RBFOX3: variants seen among roughly 807,000 people sequenced by gnomAD.
RBFOX3 encodes RNA binding fox-1 homolog 3, also known as RNA binding protein fox-1 homolog 3.
RBFOX3 carries 17 observed loss-of-function variants against 48.7 expected under a neutral mutation model. That is an observed-to-expected ratio of 0.35 (90% CI 0.24 to 0.52). The LOEUF (loss-of-function observed/expected upper bound fraction) is 0.52, where lower values mean the gene tolerates loss of function less well. Ranked by LOEUF, RBFOX3 falls within the 20% of genes least tolerant of loss-of-function variation. The pLI, the probability that RBFOX3 is intolerant of heterozygous loss-of-function variation, is 0.94. For synonymous variants in RBFOX3, 212 were observed against 209.5 expected (o/e 1.01, Z -0.10); for missense variants, 382 against 497.5 (o/e 0.77, Z 2.21).
the RBFOX3 span, among the ~76,000 whole-genome samples, chr17:79,633,593 C>T: frequency 7.9e-5 from 12 of 151,188 alleles, no homozygotes; most frequent in African/African-American, 3.0e-4. Context: ...CAGACTCCAG[C>T]GGCTGTTTTT....
the RBFOX3 span, among the ~76,000 whole-genome samples, chr17:79,656,806 GAAAAGAAAGAGAA>G: frequency 6.7e-4 from 66 of 98,044 alleles, 1 homozygote; most frequent in African/African-American, 3.1e-3. Context: ...AAGAAAGAAA[GAAAAGAAAGAGAA>G]AGAAAGAAAG....
chr17:79,608,975 C>A (rs1249143677), intron 1 of RBFOX3, among the ~76,000 whole-genome samples: 2 of 151,758 alleles, frequency 1.3e-5, no homozygotes, highest in Non-Finnish European at 2.9e-5. Flanking sequence ...GCTCAGTGAC[C>A]TGGGGCGCCC....
At chr17:79,305,303 C>G (rs12947021) in intron 3 of RBFOX3, among the ~76,000 whole-genome samples, 3,697 of 152,246 alleles carry the variant, frequency 0.024, 110 homozygotes, top group South Asian at 0.15. Context: ...TTACTGGGAT[C>G]AGTTTCATCC....
At chr17:79,172,173 CAAAAAAAAAA>C (rs977301314) in intron 4 of RBFOX3, among the ~76,000 whole-genome samples, 2 of 52,486 alleles carry the variant, frequency 3.8e-5, no homozygotes, top group Non-Finnish European at 7.2e-5. Context: ...GAGTCCGTCT[CAAAAAAAAAA>C]AAAAAAAAAA....
At chr17:79,525,117 C>T (rs972889895) in intron 1 of RBFOX3, among the ~76,000 whole-genome samples, 10 of 152,308 alleles carry the variant, frequency 6.6e-5, no homozygotes, top group East Asian at 1.9e-4. Context: ...AACCAGAGTT[C>T]GGCACTGTTG....
chr17:79,502,645 T>C (rs2082535245), intron 1 of RBFOX3, among the ~76,000 whole-genome samples: 1 of 152,252 alleles, frequency 6.6e-6, no homozygotes, highest in Non-Finnish European at 1.5e-5. Flanking sequence ...GGAACCCTGC[T>C]TGGGCAGAGG....
In RBFOX3 at chr17:79,174,811, G is replaced by A. The variant is rs545403608; in HGVS notation, c.-33-59063C>T. ...CCCGGCACAGTGAGGAGCAGGTGACGTTTGTCTAAGTGAGACTGAGGCCTA... is the reference window on the plus strand; with the variant it reads ...CCCGGCACAGTGAGGAGCAGGTGACATTTGTCTAAGTGAGACTGAGGCCTA... On this transcript the variant is annotated intron_variant, in intron 4 of 14. Coordinates refer to ENST00000693108, the MANE Select transcript of RBFOX3 (RefSeq NM_001350451.2). Among the ~76,000 whole-genome samples the A allele has an allele frequency of 1.1e-4, 17 of 152,372 alleles. No homozygotes were observed. In the South Asian group the frequency reaches 1.9e-3, roughly 17 times the overall value.
the RBFOX3 span, among the ~76,000 whole-genome samples, chr17:79,656,654 A>AGAAGGAAGGAGGGAG: frequency 7.6e-6 from 1 of 132,394 alleles, no homozygotes; most frequent in East Asian, 2.3e-4. Flanking sequence ...GAAGAAAGAA[A>AGAAGGAAGGAGGGAG]GGAAGAGAAG....
At chr17:79,586,785 G>A (rs1436891174) in intron 1 of RBFOX3, among the ~76,000 whole-genome samples, 1 of 152,204 alleles carries the variant, frequency 6.6e-6, no homozygotes, top group African/African-American at 2.4e-5. Flanking sequence ...GTTGGAGAGT[G>A]TATTCTCCTG....
intron 14 of RBFOX3, among the ~76,000 whole-genome samples, chr17:79,091,760 A>G (rs1430270357): frequency 6.6e-6 from 1 of 152,164 alleles, no homozygotes; most frequent in Non-Finnish European, 1.5e-5. Flanking sequence ...TGCCTCCAGG[A>G]CAACCCCCTT....
chr17:79,611,169 T>TCTCTCGCTCTCGCTCTCG, upstream of RBFOX3, among the ~76,000 whole-genome samples: 44 of 25,924 alleles, frequency 1.7e-3, 7 homozygotes, highest in Non-Finnish European at 2.8e-3. Flanking sequence ...TCTCTCTCTC[T>TCTCTCGCTCTCGCTCTCG]CTCTCCGCCC....
chr17:79,161,715 C>T (rs918794160), intron 4 of RBFOX3, among the ~76,000 whole-genome samples: 17 of 152,214 alleles, frequency 1.1e-4, no homozygotes, highest in Non-Finnish European at 1.8e-4. Context: ...CCTGCCTCAG[C>T]CTCCTGAGTA....
chr17:79,650,657 G>A, the RBFOX3 span, among the ~76,000 whole-genome samples: 1 of 151,980 alleles, frequency 6.6e-6, no homozygotes, highest in Non-Finnish European at 1.5e-5. Flanking sequence ...CAGAACCCAG[G>A]ACCCACCCCA....
At chr17:79,248,059 T>G (rs1254718241) in intron 3 of RBFOX3, among the ~76,000 whole-genome samples, 1 of 152,210 alleles carries the variant, frequency 6.6e-6, no homozygotes, top group African/African-American at 2.4e-5. Flanking sequence ...AGGGCTGCAG[T>G]GAGCTCCGGT....
chr17:79,391,386 AT>A lies in RBFOX3; in HGVS notation c.-174-83563del, dbSNP rs2061360549. 6.6e-6 allele frequency among the ~76,000 whole-genome samples: 1 copy of A among 152,098 alleles called. No individual in the cohort carries two copies. The highest frequency in any genetic ancestry group is 2.4e-5 in the African/African-American group (1 of 41,410). On this transcript the variant is annotated intron_variant, in intron 2 of 14. Transcript: ENST00000693108. The surrounding 1 kb of genome is among the most constrained non-coding windows in gnomAD (Gnocchi z 5.0). ...TCAAGCTTCAGCTCTCCTTCCCACG[AT>A]TGGTGAACACTCGGGCAGGTTACCT...
intron 3 of RBFOX3, among the ~76,000 whole-genome samples, chr17:79,263,090 G>A (rs2066063432): frequency 1.3e-5 from 2 of 152,162 alleles, no homozygotes; most frequent in South Asian, 2.1e-4. Context: ...AGGGTAACTC[G>A]CCCAGGCCTA....
chr17:79,642,527 A>AT, the RBFOX3 span, among the ~76,000 whole-genome samples: 1 of 152,176 alleles, frequency 6.6e-6, no homozygotes, highest in Non-Finnish European at 1.5e-5. Flanking sequence ...AGAGGAAAGT[A>AT]TTTTAAGAAA....
intron 4 of RBFOX3, among the ~76,000 whole-genome samples, chr17:79,131,003 C>T (rs1000556128): frequency 5.3e-5 from 8 of 151,942 alleles, no homozygotes; most frequent in South Asian, 4.2e-4. Context: ...CTGTGTGCCC[C>T]GTGTGTGAGC....
the RBFOX3 span, among the ~76,000 whole-genome samples, chr17:79,644,663 TAA>T: frequency 0.015 from 2,341 of 152,324 alleles, 141 homozygotes; most frequent in Admixed American, 0.11. Context: ...TAATAAATTT[TAA>T]AATAGGTTTA....
Sources: allele counts gnomAD v4.1 joint callset (sites outside exome capture counted in the v4.1 genomes callset), GRCh38; gene constraint gnomAD v4.1.1; non-coding constraint Gnocchi (gnomAD v3.1); transcripts MANE v1.5; gene names NCBI Gene and HGNC (gene_info 2026-07-23, HGNC 2026-07-21).